Variants in USP34 observed in about 807,000 individuals in gnomAD.
USP34 encodes ubiquitin carboxyl-terminal hydrolase 34.
Under a neutral mutation model 460.3 loss-of-function variants are expected in USP34, and 70 were observed. That is an observed-to-expected ratio of 0.15 (90% CI 0.13 to 0.19). The LOEUF (loss-of-function observed/expected upper bound fraction) is 0.19, where lower values mean the gene tolerates loss of function less well. USP34 is among the 10% of genes least tolerant of loss of function. The pLI is 1.00. For synonymous variants in USP34, 1,647 were observed against 1,405.3 expected (o/e 1.17, Z -3.85); for missense variants, 3,985 against 4,236.2 (o/e 0.94, Z 1.65).
At chr2:61,440,873 A>G (rs1044793892) in intron 1 of USP34, among the ~76,000 whole-genome samples, 4 of 151,548 alleles carry the variant, frequency 2.6e-5, no homozygotes, top group Non-Finnish European at 5.9e-5. Flanking sequence ...CACGCCTGTA[A>G]TCTCAGCACT....
chr2:61,352,355 A>G (rs1035055812), intron 10 of USP34, among the ~76,000 whole-genome samples: 2 of 151,862 alleles, frequency 1.3e-5, no homozygotes. Flanking sequence ...ACTATATGTA[A>G]TACATAATAA....
At chr2:61,467,802 T>A (rs1695822814) in intron 1 of USP34, among the ~76,000 whole-genome samples, 1 of 151,760 alleles carries the variant, frequency 6.6e-6, no homozygotes, top group East Asian at 1.9e-4. Flanking sequence ...GGTGAATTTT[T>A]AGTAGAGATG....
chr2:61,402,349 T>G (rs1366401008), intron 3 of USP34, among the ~76,000 whole-genome samples: 1 of 152,088 alleles, frequency 6.6e-6, no homozygotes, highest in African/African-American at 2.4e-5. Flanking sequence ...TTATGTCCAA[T>G]TACCGAACCT....
intron 2 of USP34, among the ~76,000 whole-genome samples, chr2:61,416,099 C>T (rs1383352254): frequency 6.6e-6 from 1 of 152,168 alleles, no homozygotes; most frequent in African/African-American, 2.4e-5. Flanking sequence ...CCACAGTATT[C>T]AACCTCACCA....
At chr2:61,243,447 T>C (rs1688330498) in intron 51 of USP34, among the ~76,000 whole-genome samples, 1 of 151,356 alleles carries the variant, frequency 6.6e-6, no homozygotes, top group African/African-American at 2.4e-5. Flanking sequence ...ATGCCCGGCC[T>C]CAAAACATTT....
At chr2:61,283,372 TTTTA>T (rs770495582) in intron 36 of USP34, 33 bp downstream of exon 36, 16 of 1,585,110 alleles carry the variant, frequency 1.0e-5, no homozygotes, top group Admixed American at 9.1e-5. Flanking sequence ...TTATTCAAGT[TTTTA>T]TTTATTAAAA....
At chr2:61,236,101 T>C in intron 55 of USP34, 28 bp from the exon 56 acceptor site, 2 of 1,596,192 alleles carry the variant, frequency 1.3e-6, no homozygotes, top group Middle Eastern at 1.7e-4. Flanking sequence ...GCAAAAAAGC[T>C]TCAATCATTT....
Position 61,189,046 on chromosome 2 carries a change from G to A in USP34, c.9897C>T (p.Leu3299=). The A allele has an allele frequency of 1.2e-6, 2 of 1,613,594 alleles. No homozygotes were observed. The highest frequency in any genetic ancestry group is 1.7e-6 in the Non-Finnish European group (2 of 1,179,904). ...ACTGTTTGGGAGTGTGTACTGACAG[G>A]AGCAAAGCGAGTGCCCTCAGGTCCT... ...LNGDLRALAL[L]LSVHTPKQLN... Residue 3299 remains leucine (L), a synonymous_variant, in exon 79 of 80, where the codon CTC becomes CTT. Coordinates refer to ENST00000398571, the MANE Select transcript of USP34 (RefSeq NM_014709.4).
chr2:61,427,493 A>C (rs1694546372), intron 1 of USP34, among the ~76,000 whole-genome samples: 1 of 152,234 alleles, frequency 6.6e-6, no homozygotes, highest in African/African-American at 2.4e-5. Context: ...GAACTAAATA[A>C]GGCATCAGGG....
intron 1 of USP34, among the ~76,000 whole-genome samples, chr2:61,447,681 C>A (rs1358661443): frequency 3.3e-5 from 5 of 152,046 alleles, no homozygotes; most frequent in Admixed American, 1.3e-4. Context: ...AATACAAGAT[C>A]TGTGAAATTG....
At chr2:61,396,440 C>A (rs961989703) in intron 3 of USP34, among the ~76,000 whole-genome samples, 9 of 152,024 alleles carry the variant, frequency 5.9e-5, no homozygotes, top group African/African-American at 2.2e-4. Context: ...TTAGAAACAA[C>A]TGACATCCAT....
At position 61,403,862 on chromosome 2, in the gene USP34, G is replaced by A. The variant is rs1044899838; in HGVS notation, c.552+1846C>T. 2.7e-4 allele frequency among the ~76,000 whole-genome samples: 41 copies of A among 151,726 alleles called. 1 individual carries two copies. Among genetic ancestry groups the A allele is most frequent in the Admixed American group, 2.1e-3 (32 of 15,222 alleles). On this transcript the variant is annotated intron_variant, in intron 3 of 79. Coordinates refer to ENST00000398571, the MANE Select transcript of USP34 (RefSeq NM_014709.4). ...AAAAAAATTAGCCGGGCATGGTGGC[G>A]GGCACCTGTACTCCCAGCTACTCAG...
At chr2:61,296,953 C>A in intron 29 of USP34, 28 bp from the exon 30 acceptor site, 1 of 1,573,766 alleles carries the variant, frequency 6.4e-7, no homozygotes, top group South Asian at 1.2e-5. Context: ...ACTACTTTAT[C>A]AAAACAGATC....
chr2:61,382,232 T>C (rs1692995318), intron 6 of USP34, among the ~76,000 whole-genome samples: 1 of 152,198 alleles, frequency 6.6e-6, no homozygotes, highest in Non-Finnish European at 1.5e-5. Flanking sequence ...CTAAAAACCC[T>C]TCAATAGACT....
At chr2:61,410,042 C>T (rs1470715211) in intron 2 of USP34, among the ~76,000 whole-genome samples, 1 of 151,998 alleles carries the variant, frequency 6.6e-6, no homozygotes, top group African/African-American at 2.4e-5. Flanking sequence ...ATCAATGGTT[C>T]CCAACCTTTT....
chr2:61,339,174 A>G (rs535330312), intron 18 of USP34, among the ~76,000 whole-genome samples, 177 bp downstream of exon 18: 2 of 152,336 alleles, frequency 1.3e-5, no homozygotes, highest in African/African-American at 4.8e-5. Context: ...GAGTGCTAAA[A>G]TATGAACCAT....
chr2:61,260,553 C>A (rs1428418372), intron 43 of USP34, among the ~76,000 whole-genome samples: 1 of 152,114 alleles, frequency 6.6e-6, no homozygotes, highest in East Asian at 1.9e-4. Context: ...TATGGCTCTG[C>A]TGTTTAGCAG....
intron 68 of USP34, 35 bp from the exon 69 acceptor site, chr2:61,211,964 C>T: frequency 1.9e-6 from 3 of 1,564,186 alleles, no homozygotes; most frequent in Non-Finnish European, 2.6e-6. Context: ...GATCTTTTAA[C>T]CCTATAGCAT....
At chr2:61,387,534 C>T (rs1039419908) in intron 5 of USP34, among the ~76,000 whole-genome samples, 1 of 145,822 alleles carries the variant, frequency 6.9e-6, no homozygotes, top group African/African-American at 2.5e-5. Context: ...TTTATATATA[C>T]ACACATATAT....
Sources: gnomAD v4.1 joint callset for allele counts (sites outside exome capture counted in the v4.1 genomes callset) on GRCh38, gnomAD v4.1.1 for gene constraint, MANE v1.5 for transcripts, NCBI Gene and HGNC (gene_info 2026-07-23, HGNC 2026-07-21) for gene names.